The following CACNA1C variants were observed in gnomAD, a reference collection of about 807,000 sequenced individuals.
The protein encoded by CACNA1C is calcium voltage-gated channel subunit alpha1 C.
CACNA1C carries 30 observed loss-of-function variants against 229.0 expected under a neutral mutation model. That is an observed-to-expected ratio of 0.13 (90% CI 0.10 to 0.18). The LOEUF is 0.18. Ranked by LOEUF, CACNA1C falls within the 10% of genes least tolerant of loss-of-function variation. The pLI is 1.00. For missense variants in CACNA1C, 1,658 were observed against 2,845.0 expected (o/e 0.58, Z 9.49); for synonymous variants, 1,114 against 1,132.5 (o/e 0.98, Z 0.33).
intron 3 of CACNA1C, among the ~76,000 whole-genome samples, chr12:2,324,097 G>C (rs1455314173): frequency 1.3e-5 from 2 of 152,216 alleles, no homozygotes; most frequent in African/African-American, 4.8e-5. Flanking sequence ...CAAATGTCCA[G>C]AGAATTGTCA....
intron 3 of CACNA1C, among the ~76,000 whole-genome samples, chr12:2,389,274 G>A (rs1021017828): frequency 6.6e-6 from 1 of 152,122 alleles, no homozygotes; most frequent in Non-Finnish European, 1.5e-5. Context: ...GATCACCGGT[G>A]CACTTGGCAA....
At chr12:2,309,050 A>G (rs1229031089) in intron 3 of CACNA1C, among the ~76,000 whole-genome samples, 1 of 152,232 alleles carries the variant, frequency 6.6e-6, no homozygotes, top group Non-Finnish European at 1.5e-5. Flanking sequence ...CCCCATGTTC[A>G]TTGCAGCATT....
intron 1 of CACNA1C, among the ~76,000 whole-genome samples, chr12:1,990,513 T>C (rs1038822439): frequency 2.6e-5 from 4 of 152,226 alleles, no homozygotes; most frequent in African/African-American, 9.6e-5. Context: ...ATTTTGCTCT[T>C]CTACATTCAT....
chr12:2,115,532 A>T lies in CACNA1C; in HGVS notation c.358A>T (p.Ile120Phe). The T allele has an allele frequency of 6.2e-7, 1 of 1,613,306 alleles. No homozygotes were observed. Among genetic ancestry groups the T allele is most frequent in the Non-Finnish European group, 8.5e-7 (1 of 1,179,828 alleles). The change falls in exon 2 of 47, where the codon ATT (isoleucine) becomes TTT (phenylalanine). Residue 120 changes from isoleucine (I) to phenylalanine (F), a missense_variant. Ile to Phe is a conservative substitution (Grantham distance 21). Coordinates refer to ENST00000399655, the MANE Select transcript of CACNA1C (RefSeq NM_000719.7). ...KNPIRRACIS[I>F]VEWKPFEIII... ...CCCCATCCGGAGGGCCTGCATCAGC[A>T]TTGTCGAATGGAAATATCCTTTGTT...
In CACNA1C at chr12:2,602,326, G is replaced by T. The variant is rs2072844107; in HGVS notation, c.2960+366G>T. Among the ~76,000 whole-genome samples the T allele has an allele frequency of 6.6e-6, 1 of 152,144 alleles. No individual in the cohort carries two copies. The highest frequency in any genetic ancestry group is 1.9e-4 in the East Asian group (1 of 5,192). On this transcript the variant is annotated intron_variant, in intron 22 of 46. Transcript: ENST00000399655. This position sits in a 1 kb window ranked among gnomAD's most constrained non-coding sequence, Gnocchi z 4.4. ...GTCTGCCACTGCCGTGACCTCCCCT[G>T]ACCTGGACCCTCCTTCTCCCTTTCT...
chr12:2,425,488 A>G (rs2099021142), intron 3 of CACNA1C, among the ~76,000 whole-genome samples: 1 of 152,232 alleles, frequency 6.6e-6, no homozygotes, highest in Non-Finnish European at 1.5e-5. Context: ...ATTAGAAAAT[A>G]AAATTATCGA....
intron 3 of CACNA1C, among the ~76,000 whole-genome samples, chr12:2,360,091 G>A (rs2097513284): frequency 6.6e-6 from 1 of 151,510 alleles, no homozygotes; most frequent in African/African-American, 2.4e-5. Flanking sequence ...CAGACCTCCT[G>A]GTTTAGAGTT....
At position 2,669,047 on chromosome 12, in the gene CACNA1C, C is replaced by T. The variant is rs531900229; in HGVS notation, c.4726+12C>T. 7 of 1,563,182 alleles carry T rather than the reference C, an allele frequency of 4.5e-6. No homozygotes were observed. Among genetic ancestry groups the T allele is most frequent in the Middle Eastern group, 1.7e-4 (1 of 6,018 alleles). ...GATCAAAACAGAAGGTAAGGTCGCC[C>T]GTGGGCACTGGGAGAGACACTCAGA... is the stretch of plus-strand genomic sequence containing the variant. On this transcript the variant is annotated intron_variant, in intron 38 of 46. Coordinates refer to ENST00000399655, the MANE Select transcript of CACNA1C (RefSeq NM_000719.7).
chr12:2,613,409 A>G (rs907643071), intron 29 of CACNA1C: 1 of 152,156 alleles, frequency 6.6e-6, no homozygotes. Flanking sequence ...GTTAACTATC[A>G]TTTTCCCATG....
At chr12:2,038,093 A>G (rs1358758859) in intron 1 of CACNA1C, among the ~76,000 whole-genome samples, 1 of 152,088 alleles carries the variant, frequency 6.6e-6, no homozygotes, top group Admixed American at 6.5e-5. Flanking sequence ...ACAAAACCCT[A>G]CTGACGAAGA....
rs893012269 is a variant in CACNA1C, at chr12:2,696,200, C to A, written c.*5001C>A. ...TTTGTAGGGTATTAGAGAACTCTTC[C>A]AGTCACCTCTGAAAGCACTCTAGAT... On this transcript the variant is annotated 3_prime_UTR_variant, in exon 47 of 47. Coordinates refer to ENST00000399655, the MANE Select transcript of CACNA1C (RefSeq NM_000719.7). The A allele has an allele frequency of 6.6e-6, 1 of 152,146 alleles. No individual in the cohort carries two copies. Among genetic ancestry groups the A allele is most frequent in the African/African-American group, 2.4e-5 (1 of 41,434 alleles). 9.4% of individuals were successfully genotyped at this position (152,146 alleles called of 1,614,324 possible).
At position 2,602,391 on chromosome 12, in the gene CACNA1C, G is replaced by T. The variant is rs1337437912; in HGVS notation, c.2960+431G>T. ...CAGCCAAAGCACCTCATGTATGAGT[G>T]TATGTGTGAATGTGTGTATATATAT... On this transcript the variant is annotated intron_variant, in intron 22 of 46. Transcript: ENST00000399655. This position sits in a 1 kb window ranked among gnomAD's most constrained non-coding sequence, Gnocchi z 4.4. Among the ~76,000 whole-genome samples, 1 of 152,050 alleles carries T rather than the reference G, an allele frequency of 6.6e-6. No individual in the cohort carries two copies. The highest frequency in any genetic ancestry group is 1.5e-5 in the Non-Finnish European group (1 of 68,016).
chr12:2,268,677 C>T (rs190137824), intron 3 of CACNA1C, among the ~76,000 whole-genome samples: 2 of 152,052 alleles, frequency 1.3e-5, no homozygotes, highest in African/African-American at 4.8e-5. Flanking sequence ...CTGGGAGCAT[C>T]GTGGGCATTT....
Position 2,348,905 on chromosome 12 carries a change from C to T in CACNA1C, c.478-100071C>T, listed in dbSNP as rs1023833921. 9.2e-5 allele frequency among the ~76,000 whole-genome samples: 14 copies of T among 152,128 alleles called. No homozygotes were observed. Among genetic ancestry groups the T allele is most frequent in the African/African-American group, 3.4e-4 (14 of 41,428 alleles). On this transcript the variant is annotated intron_variant, in intron 3 of 46. Transcript: ENST00000399655. The surrounding 1 kb of genome is among the most constrained non-coding windows in gnomAD (Gnocchi z 4.7). ...TCAAAGTGAACCCAATTCCTAAAGTCCTCCTTAATGGAATTCCTCTTAGAG... is the reference window on the plus strand; with the variant it reads ...TCAAAGTGAACCCAATTCCTAAAGTTCTCCTTAATGGAATTCCTCTTAGAG...
rs1278867144 is a variant in CACNA1C at position 2,054,868 on chromosome 12, C to T, written c.49+1257C>T. ...TCCCAGTGATCCTCTGAAGACCAGC[C>T]TGGTGGAAGGAGTTGTCTCCAGGTC... On this transcript the variant is annotated intron_variant, in intron 1 of 46. Transcript: ENST00000399655. This position sits in a 1 kb window ranked among gnomAD's most constrained non-coding sequence, Gnocchi z 5.5. Among the ~76,000 whole-genome samples, 1 of 152,186 alleles carries T rather than the reference C, an allele frequency of 6.6e-6. No individual in the cohort carries two copies. The highest frequency in any genetic ancestry group is 1.5e-5 in the Non-Finnish European group (1 of 68,030).
Position 2,348,508 on chromosome 12 carries a change from A to G in CACNA1C, c.478-100468A>G, listed in dbSNP as rs2097114932. On this transcript the variant is annotated intron_variant, in intron 3 of 46. Coordinates refer to ENST00000399655, the MANE Select transcript of CACNA1C (RefSeq NM_000719.7). This position sits in a 1 kb window ranked among gnomAD's most constrained non-coding sequence, Gnocchi z 4.7. ...CACAGCACCTGGTTTAGGGCTACAA[A>G]TAGTCTCCCCGAGGGAATGGGCTCA... Among the ~76,000 whole-genome samples the G allele has an allele frequency of 6.6e-6, 1 of 152,210 alleles. No individual in the cohort carries two copies. The highest frequency in any genetic ancestry group is 1.5e-5 in the Non-Finnish European group (1 of 68,032).
intron 29 of CACNA1C, among the ~76,000 whole-genome samples, chr12:2,625,792 A>T (rs2086121135): frequency 6.6e-6 from 1 of 152,060 alleles, no homozygotes; most frequent in Non-Finnish European, 1.5e-5. Context: ...AAAAAAAAAA[A>T]AAATTCTATT....
At chr12:2,396,585 C>T (rs2098584607) in intron 3 of CACNA1C, among the ~76,000 whole-genome samples, 1 of 152,188 alleles carries the variant, frequency 6.6e-6, no homozygotes, top group African/African-American at 2.4e-5. Flanking sequence ...AGCTGAGGAT[C>T]CCAAAACTTA....
chr12:2,299,523 C>A (rs2094388188), intron 3 of CACNA1C, among the ~76,000 whole-genome samples: 1 of 152,048 alleles, frequency 6.6e-6, no homozygotes, highest in African/African-American at 2.4e-5. Context: ...TCCTGTGGGA[C>A]CAGTGCTTCT....
Sources: gnomAD v4.1 joint callset for allele counts (sites outside exome capture counted in the v4.1 genomes callset) on GRCh38, gnomAD v4.1.1 for gene constraint, Gnocchi (gnomAD v3.1) non-coding constraint, MANE v1.5 for transcripts, NCBI Gene and HGNC (gene_info 2026-07-23, HGNC 2026-07-21) for gene names.